Variants in PSMG2 observed in about 807,000 individuals in gnomAD.
PSMG2 encodes the protein proteasome assembly chaperone 2, also known as CD40 ligand-activated specific transcript 3.
A neutral mutation model predicts 31.5 loss-of-function variants in PSMG2; 21 were observed. The ratio of observed to expected loss-of-function variants is 0.67; its 90% CI spans 0.47 to 0.96. PSMG2 has a LOEUF of 0.96. Ranked by LOEUF, PSMG2 falls within the 40% of genes least tolerant of loss-of-function variation. PSMG2 has a pLI of 0.00. For synonymous variants in PSMG2, 120 were observed against 110.4 expected, an observed-to-expected ratio of 1.09 and a Z score of -0.54; for missense variants, 318 against 321.2, an observed-to-expected ratio of 0.99 and a Z score of 0.08.
At chr18:12,719,986 G>A (rs2040415300) in intron 4 of PSMG2, among the ~76,000 whole-genome samples, 1 of 152,038 alleles carries the variant, frequency 6.6e-6, no homozygotes, top group African/African-American at 2.4e-5. Flanking sequence ...CAAAGTGCTG[G>A]GATTACAGGC....
intron 1 of PSMG2, among the ~76,000 whole-genome samples, chr18:12,671,565 G>T (rs2038943166): frequency 6.8e-6 from 1 of 146,360 alleles, no homozygotes; most frequent in African/African-American, 2.5e-5. Context: ...TCTTTTTAAA[G>T]TTTACTTTTG....
chr18:12,696,871 T>G (rs16939759), intron 1 of PSMG2, among the ~76,000 whole-genome samples: 4,568 of 152,256 alleles, frequency 0.03, 171 homozygotes, highest in Admixed American at 0.071. Flanking sequence ...TTCCAGGGTG[T>G]GATGACTGGA....
At chr18:12,696,843 G>A (rs2039975279) in intron 1 of PSMG2, among the ~76,000 whole-genome samples, 1 of 152,114 alleles carries the variant, frequency 6.6e-6, no homozygotes, top group African/African-American at 2.4e-5. Flanking sequence ...AAGAATCACT[G>A]GTACCAAAGG....
At chr18:12,713,741 T>C (rs1279605970) in intron 3 of PSMG2, among the ~76,000 whole-genome samples, 1 of 152,070 alleles carries the variant, frequency 6.6e-6, no homozygotes, top group Non-Finnish European at 1.5e-5. Flanking sequence ...TCTTATCTGC[T>C]ACCCTGCAAA....
At chr18:12,678,282 C>T (rs1410101010) in intron 1 of PSMG2, 6 of 1,613,970 alleles carry the variant, frequency 3.7e-6, no homozygotes, top group Admixed American at 1.7e-5. Flanking sequence ...TTGGATTCAT[C>T]GTTCAAATCA....
At chr18:12,661,909 T>A (rs1473106474) in intron 1 of PSMG2, 4 of 180,518 alleles carry the variant, frequency 2.2e-5, no homozygotes, top group African/African-American at 9.5e-5. Flanking sequence ...AATCAACATT[T>A]AAATGTCTTT....
chr18:12,699,798 C>T (rs1283853154), upstream of PSMG2: 2 of 1,239,094 alleles, frequency 1.6e-6, no homozygotes, highest in Non-Finnish European at 2.3e-6. Context: ...TTACTATTAA[C>T]CACAACTAAA....
chr18:12,708,830 C>T (rs9964868), intron 2 of PSMG2, among the ~76,000 whole-genome samples: 57,859 of 142,256 alleles, frequency 0.41, 11,623 homozygotes, highest in Non-Finnish European at 0.47. Context: ...CTCAGCCTCC[C>T]GAGTAGCTGG....
chr18:12,702,342 A>C, upstream of PSMG2: 5 of 628,546 alleles, frequency 8.0e-6, no homozygotes, highest in Non-Finnish European at 2.8e-6. Context: ...TCAAACTCAA[A>C]GCTCTGCCTA....
intron 1 of PSMG2, chr18:12,678,041 CA>C (rs1260682909): frequency 7.8e-7 from 1 of 1,283,754 alleles, no homozygotes; most frequent in Non-Finnish European, 1.1e-6. Context: ...CTATCACACA[CA>C]CCAAAAAACA....
At chr18:12,681,226 A>G (rs2039337443) in intron 1 of PSMG2, among the ~76,000 whole-genome samples, 1 of 149,864 alleles carries the variant, frequency 6.7e-6, no homozygotes, top group African/African-American at 2.4e-5. Flanking sequence ...TTTATAAAGA[A>G]CTCACACAAC....
At chr18:12,702,870 C>A, upstream of PSMG2, 1 of 574,902 alleles carries the variant, frequency 1.7e-6, no homozygotes, top group East Asian at 3.2e-5. Context: ...CGCACCCCAT[C>A]GCCTTGCTTG....
At chr18:12,705,783 G>T (rs2040262761) in intron 1 of PSMG2, among the ~76,000 whole-genome samples, 1 of 151,900 alleles carries the variant, frequency 6.6e-6, no homozygotes, top group African/African-American at 2.4e-5. Context: ...CCTTTTTCAG[G>T]TCTCTAGTCA....
chr18:12,658,933 G>C lies in PSMG2; in HGVS notation c.-37+160G>C, dbSNP rs565150037. On this transcript the variant is annotated intron_variant, in intron 1 of 6. Transcript: ENST00000585331. The stretch of plus-strand genomic sequence containing the variant: ...AACATTGGTCCCTTCCCTCACTAAG[G>C]TAATGTCTCAAGTACCACACTCATC... 1.1e-4 allele frequency: 27 copies of C among 242,656 alleles called. 1 individual carries two copies. The East Asian group carries it at 3.3e-3, about 30-fold the overall frequency. The allele number at this position is 242,656 out of a possible 1,614,324, so 15.0% of individuals were successfully genotyped here. A position where few individuals can be genotyped will look rare whatever the true frequency, so the allele number is the denominator to read the frequency against.
chr18:12,722,419 G>A (rs1462708664), intron 5 of PSMG2, among the ~76,000 whole-genome samples: 1 of 152,134 alleles, frequency 6.6e-6, no homozygotes, highest in African/African-American at 2.4e-5. Context: ...ACTACAGGGA[G>A]GCCGAGGCAA....
At chr18:12,674,989 C>G (rs1441519840) in intron 1 of PSMG2, among the ~76,000 whole-genome samples, 1 of 152,116 alleles carries the variant, frequency 6.6e-6, no homozygotes, top group Non-Finnish European at 1.5e-5. Flanking sequence ...AAACAATGTT[C>G]ACAAAGTCTC....
At chr18:12,691,902 G>A (rs916759317) in intron 1 of PSMG2, among the ~76,000 whole-genome samples, 1 of 151,786 alleles carries the variant, frequency 6.6e-6, no homozygotes, top group Non-Finnish European at 1.5e-5. Flanking sequence ...TGTATTTTTA[G>A]TAGAGACAGG....
intron 5 of PSMG2, among the ~76,000 whole-genome samples, chr18:12,722,410 C>A (rs1176702965): frequency 6.6e-6 from 1 of 152,050 alleles, no homozygotes; most frequent in African/African-American, 2.4e-5. Flanking sequence ...TCAGTTAAGA[C>A]TACAGGGAGG....
At chr18:12,702,785 G>A (rs1467500280), upstream of PSMG2, 2 of 578,002 alleles carry the variant, frequency 3.5e-6, no homozygotes, top group Non-Finnish European at 6.0e-6. Flanking sequence ...AGGGCTTGGG[G>A]CTGGCCCGCA....
Sources: allele counts gnomAD v4.1 joint callset (sites outside exome capture counted in the v4.1 genomes callset), GRCh38; gene constraint gnomAD v4.1.1; transcripts MANE v1.5; gene names NCBI Gene and HGNC (gene_info 2026-07-23, HGNC 2026-07-21).